Variants in TBL1X observed in about 807,000 individuals in gnomAD.
The protein encoded by TBL1X is F-box-like/WD repeat-containing protein TBL1X.
Under a neutral mutation model 50.7 loss-of-function variants are expected in TBL1X, and 10 were observed. The ratio of observed to expected loss-of-function variants is 0.20; its 90% CI spans 0.12 to 0.33. The LOEUF is 0.33. TBL1X is among the 10% of genes least tolerant of loss of function. The probability of loss-of-function intolerance (pLI) is 1.00; values close to 1 mark genes in which losing one functional copy is unlikely to be tolerated. For synonymous variants in TBL1X, 190 were observed against 214.7 expected (o/e 0.88, Z 1.01); for missense variants, 340 against 504.4 (o/e 0.67, Z 3.12).
chrX:9,467,925 G>A (rs1381326911), intron 1 of TBL1X, among the ~76,000 whole-genome samples: 1 of 112,412 alleles, frequency 8.9e-6, no homozygotes, highest in African/African-American at 3.2e-5. Flanking sequence ...GGAGTCCGCC[G>A]GGCTGCTGCC....
At chrX:9,634,585 C>T (rs1489316452) in intron 2 of TBL1X, among the ~76,000 whole-genome samples, 1 of 110,940 alleles carries the variant, frequency 9.0e-6, no homozygotes, top group Non-Finnish European at 1.9e-5. Flanking sequence ...CTCCTGGCCT[C>T]AAGTGATCTT....
intron 1 of TBL1X, among the ~76,000 whole-genome samples, chrX:9,490,426 G>A (rs1231984608): frequency 8.9e-6 from 1 of 111,857 alleles, no homozygotes; most frequent in Non-Finnish European, 1.9e-5. Context: ...GCATCTTGTG[G>A]GCAGACCCCA....
chrX:9,562,785 T>C (rs2082330689), intron 2 of TBL1X, among the ~76,000 whole-genome samples: 1 of 111,630 alleles, frequency 9.0e-6, no homozygotes, highest in African/African-American at 3.3e-5. Context: ...GTGATTGCCT[T>C]TGGGTTTTGA....
In TBL1X at chrX:9,579,610, G is replaced by A. The variant is rs759026859; in HGVS notation, c.-130-60663G>A. ...TTCCTTTACACCACAGAGCCTCTGC[G>A]TTTGGGAACTGCAGGTTCATCCGAG... On this transcript the variant is annotated intron_variant, in intron 2 of 17. Coordinates refer to ENST00000645353, the MANE Select transcript of TBL1X (RefSeq NM_005647.4). Among the ~76,000 whole-genome samples, 226 of 111,763 alleles carry A rather than the reference G, an allele frequency of 2.0e-3. 1 individual carries two copies. The highest frequency in any genetic ancestry group is 6.9e-3 in the African/African-American group (213 of 30,733).
intron 1 of TBL1X, among the ~76,000 whole-genome samples, chrX:9,469,004 G>A (rs1227233936): frequency 9.1e-6 from 1 of 109,741 alleles, no homozygotes; most frequent in Non-Finnish European, 1.9e-5. Flanking sequence ...ATTTTTAGTA[G>A]ACACAGGCTC....
intron 5 of TBL1X, among the ~76,000 whole-genome samples, chrX:9,679,816 C>T: frequency 8.9e-6 from 1 of 111,880 alleles, no homozygotes; most frequent in East Asian, 2.8e-4. Context: ...CAGGCATTAC[C>T]TTCCGCAGCA....
At chrX:9,504,928 C>T (rs888978048) in intron 2 of TBL1X, among the ~76,000 whole-genome samples, 2 of 111,732 alleles carry the variant, frequency 1.8e-5, no homozygotes, top group African/African-American at 6.5e-5. Flanking sequence ...ACTACCAAGA[C>T]AGGCCAACCT....
At chrX:9,714,854 G>A in intron 16 of TBL1X, 48 bp from the exon 17 acceptor site, 1 of 1,143,429 alleles carries the variant, frequency 8.7e-7, no homozygotes, top group Non-Finnish European at 1.2e-6. Flanking sequence ...ACCTGCATCT[G>A]TCGCAGGCGC....
chrX:9,542,482 G>T (rs5979110), intron 2 of TBL1X, among the ~76,000 whole-genome samples: 3,250 of 111,997 alleles, frequency 0.029, 145 homozygotes, highest in African/African-American at 0.1. Context: ...TAGAATGGGG[G>T]CATCAGAGTT....
chrX:9,476,534 T>A (rs2081850421), intron 1 of TBL1X, among the ~76,000 whole-genome samples: 1 of 112,440 alleles, frequency 8.9e-6, no homozygotes, highest in Non-Finnish European at 1.9e-5. Context: ...CTCTGAAGCC[T>A]GTACCAGAAT....
At chrX:9,689,012 ATGTGTGCG>A (rs200552551) in intron 7 of TBL1X, among the ~76,000 whole-genome samples, 7,855 of 112,697 alleles carry the variant, frequency 0.07, 244 homozygotes, top group Non-Finnish European at 0.095. Context: ...GTGTGCGTGT[ATGTGTGCG>A]TGTGTGCGTG....
intron 2 of TBL1X, among the ~76,000 whole-genome samples, chrX:9,631,931 G>A (rs1003058752): frequency 1.8e-5 from 2 of 112,416 alleles, no homozygotes; most frequent in Non-Finnish European, 3.8e-5. Context: ...CTTTGGTAAA[G>A]TCTTTATTTT....
At chrX:9,533,442 A>G (rs758960838) in intron 2 of TBL1X, among the ~76,000 whole-genome samples, 1 of 112,134 alleles carries the variant, frequency 8.9e-6, no homozygotes, top group South Asian at 3.7e-4. Flanking sequence ...CTGCAGTTCA[A>G]AGAAGTGTTC....
At chrX:9,480,205 C>T (rs145076221) in intron 1 of TBL1X, among the ~76,000 whole-genome samples, 1,171 of 111,898 alleles carry the variant, frequency 0.01, 19 homozygotes, top group African/African-American at 0.036. Flanking sequence ...CTACCCGCCT[C>T]GGCCTCCCAA....
At chrX:9,709,141 G>A (rs1010805076) in intron 13 of TBL1X, 107 bp from the exon 14 acceptor site, 9 of 777,858 alleles carry the variant, frequency 1.2e-5, no homozygotes, top group East Asian at 3.4e-5. Context: ...GGCTGAAGCC[G>A]AAGACCTTCT....
At chrX:9,682,416 T>G (rs1005423055) in intron 5 of TBL1X, among the ~76,000 whole-genome samples, 3 of 111,963 alleles carry the variant, frequency 2.7e-5, no homozygotes, top group African/African-American at 9.8e-5. Flanking sequence ...GATTGTAAAA[T>G]TAATAGCAGC....
At chrX:9,488,140 C>T (rs2081923218) in intron 1 of TBL1X, among the ~76,000 whole-genome samples, 1 of 112,045 alleles carries the variant, frequency 8.9e-6, no homozygotes, top group Non-Finnish European at 1.9e-5. Context: ...AGACTGAAGG[C>T]CATTGTACTT....
chrX:9,491,336 A>T (rs1219530054), intron 1 of TBL1X, among the ~76,000 whole-genome samples: 2,461 of 25,071 alleles, frequency 0.098, 192 homozygotes, highest in African/African-American at 0.31. Context: ...ATATATATAT[A>T]TATTTTTTTT....
At chrX:9,564,558 C>T (rs1007661753) in intron 2 of TBL1X, among the ~76,000 whole-genome samples, 1 of 110,277 alleles carries the variant, frequency 9.1e-6, no homozygotes, top group Non-Finnish European at 1.9e-5. Context: ...CATGGTGAAA[C>T]CTCGTCTCTA....
Sources: gnomAD v4.1 joint callset for allele counts (sites outside exome capture counted in the v4.1 genomes callset) on GRCh38, gnomAD v4.1.1 for gene constraint, MANE v1.5 for transcripts, NCBI Gene and HGNC (gene_info 2026-07-23, HGNC 2026-07-21) for gene names.